The following KLHL1 variants were observed in gnomAD, a reference collection of about 807,000 sequenced individuals.
The protein encoded by KLHL1 is kelch-like protein 1.
Under a neutral mutation model 77.7 loss-of-function variants are expected in KLHL1, and 47 were observed. The observed-to-expected ratio is 0.60, with a 90% CI of 0.48 to 0.77. The LOEUF is 0.77. Ranked by LOEUF, KLHL1 falls within the 30% of genes least tolerant of loss-of-function variation. KLHL1 has a pLI of 0.00. For missense variants in KLHL1, 925 were observed against 910.8 expected, an observed-to-expected ratio of 1.02 and a Z score of -0.20; for synonymous variants, 360 against 325.2, an observed-to-expected ratio of 1.11 and a Z score of -1.15.
rs1378426202 is a variant in KLHL1 at position 69,885,095 on chromosome 13, C to A, written c.1015-2600G>T. Among the ~76,000 whole-genome samples the A allele has an allele frequency of 2.1e-5, 3 of 141,778 alleles. No individual in the cohort carries two copies. In the South Asian group the frequency reaches 6.5e-4, roughly 31 times the overall value. 93.0% of individuals were successfully genotyped at this position (141,778 alleles called of 152,430 possible). A position where few individuals can be genotyped will look rare whatever the true frequency, so the allele number is the denominator to read the frequency against. ...AGCTGGGACTACAGGCGCCCGCCACCACGCCCGGCTAATTTTTTGTATTTT... is the reference window on the plus strand; with the variant it reads ...AGCTGGGACTACAGGCGCCCGCCACAACGCCCGGCTAATTTTTTGTATTTT... On this transcript the variant is annotated intron_variant, in intron 4 of 10. Coordinates refer to ENST00000377844, the MANE Select transcript of KLHL1 (RefSeq NM_020866.3).
At chr13:69,726,428 G>C (rs1052510512) in intron 8 of KLHL1, among the ~76,000 whole-genome samples, 3 of 152,080 alleles carry the variant, frequency 2.0e-5, no homozygotes, top group African/African-American at 7.2e-5. Context: ...CTTTCCATGG[G>C]AAATATTTTA....
At chr13:69,996,910 A>ATTTTTTTTTTTTTTTTTTTTTTTTTT (rs10549532) in intron 1 of KLHL1, among the ~76,000 whole-genome samples, 3 of 71,240 alleles carry the variant, frequency 4.2e-5, no homozygotes, top group African/African-American at 5.6e-5. Context: ...TATTCATTAA[A>ATTTTTTTTTTTTTTTTTTTTTTTTTT]TTTTTTTTTT....
intron 9 of KLHL1, among the ~76,000 whole-genome samples, chr13:69,715,064 C>T (rs918314325): frequency 5.3e-5 from 8 of 152,126 alleles, no homozygotes; most frequent in East Asian, 1.9e-4. Context: ...CTTTCTCTGT[C>T]GCTCCTCATA....
Position 69,999,670 on chromosome 13 carries a change from C to T in KLHL1, c.498-23868G>A, listed in dbSNP as rs1328848515. Among the ~76,000 whole-genome samples, 5 of 151,974 alleles carry T rather than the reference C, an allele frequency of 3.3e-5. No individual in the cohort carries two copies. The South Asian group carries it at 8.3e-4, about 25-fold the overall frequency. ...GGAGACTGACTGGGATGGCACCTAGCAATCCTATATCCAGTAATGAAGACC... is the reference window on the plus strand; with the variant it reads ...GGAGACTGACTGGGATGGCACCTAGTAATCCTATATCCAGTAATGAAGACC... On this transcript the variant is annotated intron_variant, in intron 1 of 10. Coordinates refer to ENST00000377844, the MANE Select transcript of KLHL1 (RefSeq NM_020866.3).
intron 1 of KLHL1, among the ~76,000 whole-genome samples, chr13:69,994,806 G>A (rs868530509): frequency 6.6e-6 from 1 of 152,006 alleles, no homozygotes; most frequent in Admixed American, 6.6e-5. Flanking sequence ...ATACTGTAGA[G>A]GAAAAATTTT....
intron 1 of KLHL1, among the ~76,000 whole-genome samples, chr13:70,051,499 AT>A (rs1407314090): frequency 6.6e-6 from 1 of 152,060 alleles, no homozygotes; most frequent in African/African-American, 2.4e-5. Context: ...GATATTCACC[AT>A]AAAGAAGTGC....
intron 1 of KLHL1, among the ~76,000 whole-genome samples, chr13:70,098,703 G>A (rs1887849554): frequency 1.3e-5 from 2 of 151,732 alleles, no homozygotes; most frequent in African/African-American, 2.4e-5. Flanking sequence ...AATGTTTAGT[G>A]TAGTGAAAAT....
chr13:69,711,407 T>C (rs1875872059), intron 9 of KLHL1, among the ~76,000 whole-genome samples: 1 of 152,144 alleles, frequency 6.6e-6, no homozygotes, highest in African/African-American at 2.4e-5. Flanking sequence ...AGATTTCAAG[T>C]ACATTAATCA....
chr13:69,902,402 A>G (rs1881897914), intron 4 of KLHL1, among the ~76,000 whole-genome samples: 1 of 152,164 alleles, frequency 6.6e-6, no homozygotes, highest in Non-Finnish European at 1.5e-5. Context: ...GAAAAAGGAC[A>G]TAGATTTATC....
At chr13:69,905,458 A>G (rs1323131051) in intron 4 of KLHL1, among the ~76,000 whole-genome samples, 4 of 152,104 alleles carry the variant, frequency 2.6e-5, no homozygotes, top group African/African-American at 9.6e-5. Context: ...TTGAAAAGTA[A>G]TATGACAATT....
At chr13:69,836,841 G>A (rs1017394474) in intron 6 of KLHL1, among the ~76,000 whole-genome samples, 1 of 149,738 alleles carries the variant, frequency 6.7e-6, no homozygotes, top group African/African-American at 2.5e-5. Flanking sequence ...ACCAAACAAT[G>A]CTCAAGAAAC....
chr13:69,848,110 T>C (rs1019435369), intron 5 of KLHL1, among the ~76,000 whole-genome samples: 2 of 151,456 alleles, frequency 1.3e-5, no homozygotes, highest in African/African-American at 4.8e-5. Flanking sequence ...GAGCCGTGGC[T>C]AGGACTGTCA....
chr13:69,739,807 T>C (rs1196826196), intron 8 of KLHL1, among the ~76,000 whole-genome samples: 2 of 152,110 alleles, frequency 1.3e-5, no homozygotes, highest in Non-Finnish European at 2.9e-5. Context: ...AGATCTGTGG[T>C]TCTCATGGGG....
intron 1 of KLHL1, among the ~76,000 whole-genome samples, chr13:70,004,832 C>A (rs1031457979): frequency 2.2e-4 from 33 of 151,396 alleles, no homozygotes; most frequent in African/African-American, 8.0e-4. Flanking sequence ...TAGCTGAAAA[C>A]AATGAAATTT....
chr13:70,094,418 T>TATATATA (rs1887741628), intron 1 of KLHL1, among the ~76,000 whole-genome samples: 2 of 150,518 alleles, frequency 1.3e-5, no homozygotes, highest in African/African-American at 5.0e-5. Flanking sequence ...TATGAATATA[T>TATATATA]TGGCTCAATC....
At chr13:69,985,832 T>G (rs1271659486) in intron 1 of KLHL1, among the ~76,000 whole-genome samples, 1 of 142,834 alleles carries the variant, frequency 7.0e-6, no homozygotes, top group Non-Finnish European at 1.5e-5. Flanking sequence ...TATATATATC[T>G]TATGTGTGTG....
At chr13:69,863,545 A>C (rs1057486746) in intron 5 of KLHL1, among the ~76,000 whole-genome samples, 3 of 151,974 alleles carry the variant, frequency 2.0e-5, no homozygotes, top group African/African-American at 4.8e-5. Flanking sequence ...CCTGGACTTC[A>C]GCTTGCAAAA....
At chr13:69,717,385 C>T (rs1872816721) in intron 9 of KLHL1, among the ~76,000 whole-genome samples, 1 of 151,984 alleles carries the variant, frequency 6.6e-6, no homozygotes, top group Non-Finnish European at 1.5e-5. Context: ...ATAAAAAGTG[C>T]AAAAGTGCTA....
chr13:69,972,302 C>G (rs1453465196), intron 2 of KLHL1, among the ~76,000 whole-genome samples: 27 of 151,836 alleles, frequency 1.8e-4, no homozygotes, highest in Admixed American at 1.8e-3. Flanking sequence ...CTATAAAGAA[C>G]ATTAAAATAA....
Sources: allele counts gnomAD v4.1 joint callset (sites outside exome capture counted in the v4.1 genomes callset), GRCh38; gene constraint gnomAD v4.1.1; transcripts MANE v1.5; gene names NCBI Gene and HGNC (gene_info 2026-07-23, HGNC 2026-07-21).